Variants in RANBP3L observed in about 807,000 individuals in gnomAD.
RANBP3L encodes ran-binding protein 3-like.
A neutral mutation model predicts 67.2 loss-of-function variants in RANBP3L; 56 were observed. The ratio of observed to expected loss-of-function variants is 0.83; its 90% CI spans 0.67 to 1.04. The LOEUF (loss-of-function observed/expected upper bound fraction) is 1.04, where lower values mean the gene tolerates loss of function less well. RANBP3L is among the 50% of genes least tolerant of loss of function. The probability of loss-of-function intolerance (pLI) is 0.00; values close to 1 mark genes in which losing one functional copy is unlikely to be tolerated. For missense variants in RANBP3L, 496 were observed against 535.5 expected (o/e 0.93, Z 0.73); for synonymous variants, 164 against 181.4 (o/e 0.90, Z 0.77).
At chr5:36,252,088 C>T (rs185810369) in intron 12 of RANBP3L, among the ~76,000 whole-genome samples, 7 of 152,056 alleles carry the variant, frequency 4.6e-5, no homozygotes, top group Admixed American at 4.6e-4. Flanking sequence ...TCAATTCCTT[C>T]AGTAAAACTG....
chr5:36,281,407 G>C (rs1030816283), intron 1 of RANBP3L, among the ~76,000 whole-genome samples: 1 of 152,192 alleles, frequency 6.6e-6, no homozygotes, highest in African/African-American at 2.4e-5. Flanking sequence ...TACGGGACCT[G>C]TCTCAGGTCA....
At chr5:36,263,023 T>C (rs1420678651) in intron 6 of RANBP3L, among the ~76,000 whole-genome samples, 1 of 152,074 alleles carries the variant, frequency 6.6e-6, no homozygotes, top group East Asian at 1.9e-4. Context: ...TAATAAGAAA[T>C]ATAAAGATAA....
At position 36,255,641 on chromosome 5, in the gene RANBP3L, T is replaced by C. The variant is rs1336982386; in HGVS notation, c.904-51A>G. On this transcript the variant is annotated intron_variant, in intron 10 of 13. Coordinates refer to ENST00000296604, the MANE Select transcript of RANBP3L (RefSeq NM_145000.5). ...AAATATATAGAAAATTTTTTCAAAG[T>C]AAATTATTTCCTATGTTATGACACG... 2.9e-6 allele frequency: 4 copies of C among 1,369,836 alleles called. No individual in the cohort carries two copies. The East Asian group carries it at 9.5e-5, about 32-fold the overall frequency. 84.9% of individuals were successfully genotyped at this position (1,369,836 alleles called of 1,614,324 possible).
intron 1 of RANBP3L, among the ~76,000 whole-genome samples, chr5:36,286,105 T>A (rs1751308995): frequency 6.6e-6 from 1 of 152,174 alleles, no homozygotes; most frequent in South Asian, 2.1e-4. Context: ...TTGTATGCAG[T>A]GTTTTATGCT....
chr5:36,275,219 C>G (rs1750488625), intron 1 of RANBP3L, among the ~76,000 whole-genome samples: 1 of 152,146 alleles, frequency 6.6e-6, no homozygotes, highest in Non-Finnish European at 1.5e-5. Flanking sequence ...GGGTCAAGTG[C>G]TTTTATCCAT....
intron 1 of RANBP3L, among the ~76,000 whole-genome samples, chr5:36,290,468 C>T (rs544783410): frequency 2.6e-4 from 39 of 152,078 alleles, no homozygotes; most frequent in Middle Eastern, 3.4e-3. Context: ...CTGCCCACCT[C>T]GGTCTCCCAA....
At chr5:36,265,560 A>T in intron 4 of RANBP3L, 40 bp from the exon 5 acceptor site, 1 of 1,216,662 alleles carries the variant, frequency 8.2e-7, no homozygotes, top group Non-Finnish European at 1.2e-6. Flanking sequence ...AATACAGAAG[A>T]GTGTCAGATT....
chr5:36,253,760 T>A lies in RANBP3L; in HGVS notation c.1054A>T (p.Ile352Phe). 6.2e-7 allele frequency: 1 copy of A among 1,613,190 alleles called. No individual in the cohort carries two copies. Among genetic ancestry groups the A allele is most frequent in the Admixed American group, 1.7e-5 (1 of 59,990 alleles). Residue 352 changes from isoleucine (I) to phenylalanine (F), a missense_variant, in exon 12 of 14, where the codon ATC becomes TTC. Physicochemically the swap from Ile to Phe is conservative, Grantham distance 21. Transcript: ENST00000296604. ...TGGGCCCAGAGTTTGCTGTTGAGGATCAGCCTTAGACTGCCTTGATTGCGC... is the reference window on the plus strand; with the variant it reads ...TGGGCCCAGAGTTTGCTGTTGAGGAACAGCCTTAGACTGCCTTGATTGCGC... ...IMRNQGSLRL[I>F]LNSKLWAQMK...
chr5:36,275,730 T>C (rs1419547056), intron 1 of RANBP3L, among the ~76,000 whole-genome samples: 1 of 152,108 alleles, frequency 6.6e-6, no homozygotes. Context: ...CTTTGCAGCC[T>C]AATAGAGCTT....
At chr5:36,292,615 A>G (rs901580397) in intron 1 of RANBP3L, among the ~76,000 whole-genome samples, 29 of 152,272 alleles carry the variant, frequency 1.9e-4, no homozygotes, top group Middle Eastern at 3.4e-3. Context: ...AGCTTTCTAC[A>G]TATGGCTAGC....
rs1024100268 is a variant in RANBP3L at position 36,301,538 on chromosome 5, C to T, written c.-122G>A. 1.0e-5 allele frequency: 7 copies of T among 666,870 alleles called. No individual in the cohort carries two copies. Among genetic ancestry groups the T allele is most frequent in the Admixed American group, 2.3e-5 (1 of 43,418 alleles). 41.3% of individuals were successfully genotyped at this position (666,870 alleles called of 1,614,324 possible). A position where few individuals can be genotyped will look rare whatever the true frequency, so the allele number is the denominator to read the frequency against. ...TAGATTCATGCAGATCTTGTCTTTG[C>T]ATGTACAACATATACTCCTCTACTA... On this transcript the variant is annotated 5_prime_UTR_variant, in exon 1 of 14. An upstream start codon of the reference 5' UTR is lost. Coordinates refer to ENST00000296604, the MANE Select transcript of RANBP3L (RefSeq NM_145000.5).
intron 1 of RANBP3L, among the ~76,000 whole-genome samples, chr5:36,295,769 C>T (rs1752170529): frequency 1.3e-5 from 2 of 148,298 alleles, no homozygotes; most frequent in African/African-American, 2.5e-5. Flanking sequence ...TTATTGTTTC[C>T]TAGTGGACTC....
At chr5:36,294,796 TA>T (rs1227233856) in intron 1 of RANBP3L, among the ~76,000 whole-genome samples, 1 of 149,006 alleles carries the variant, frequency 6.7e-6, no homozygotes, top group African/African-American at 2.5e-5. Flanking sequence ...AGTGTATATA[TA>T]TAGTGTATAT....
chr5:36,265,417 T>A (rs542053688), intron 5 of RANBP3L, 32 bp downstream of exon 5: 3 of 1,401,738 alleles, frequency 2.1e-6, no homozygotes, highest in East Asian at 4.6e-5. Flanking sequence ...AAATATACAA[T>A]TTCTGAGGTT....
At chr5:36,278,626 C>T (rs1750763028) in intron 1 of RANBP3L, among the ~76,000 whole-genome samples, 1 of 152,128 alleles carries the variant, frequency 6.6e-6, no homozygotes, top group African/African-American at 2.4e-5. Context: ...TCTGAGTAAG[C>T]TCACAATTAA....
At chr5:36,280,881 C>G (rs1469572401) in intron 1 of RANBP3L, among the ~76,000 whole-genome samples, 3 of 152,094 alleles carry the variant, frequency 2.0e-5, no homozygotes, top group African/African-American at 7.2e-5. Flanking sequence ...CCCATCATGA[C>G]TAGTCTTTAC....
chr5:36,262,250 A>T (rs1749451922), intron 6 of RANBP3L, among the ~76,000 whole-genome samples: 1 of 152,212 alleles, frequency 6.6e-6, no homozygotes, highest in Non-Finnish European at 1.5e-5. Context: ...GAGTAAACTG[A>T]CACAAAAAAC....
chr5:36,257,969 T>G (rs1459428132), intron 8 of RANBP3L, among the ~76,000 whole-genome samples: 1 of 152,198 alleles, frequency 6.6e-6, no homozygotes, highest in Non-Finnish European at 1.5e-5. Context: ...TACTTTTAAT[T>G]AATTTACCAT....
intron 10 of RANBP3L, 144 bp from the exon 11 acceptor site, chr5:36,255,734 T>C (rs1192891602): frequency 1.9e-6 from 1 of 515,382 alleles, no homozygotes; most frequent in Non-Finnish European, 3.3e-6. Flanking sequence ...TTTTAAAATA[T>C]ATTTAACATT....
Sources: gnomAD v4.1 joint callset for allele counts (sites outside exome capture counted in the v4.1 genomes callset) on GRCh38, gnomAD v4.1.1 for gene constraint, MANE v1.5 for transcripts, NCBI Gene and HGNC (gene_info 2026-07-23, HGNC 2026-07-21) for gene names.